The following SOX5 variants were observed in gnomAD, a reference collection of about 807,000 sequenced individuals.
SOX5 encodes the protein SRY-box transcription factor 5, also known as transcription factor SOX-5.
In SOX5, 9 loss-of-function variants were observed where a neutral mutation model predicts 92.0. The observed-to-expected ratio is 0.10, with a 90% CI of 0.06 to 0.17. The LOEUF (loss-of-function observed/expected upper bound fraction) is 0.17. Ranked by LOEUF, SOX5 falls within the 10% of genes least tolerant of loss-of-function variation. The pLI, the probability that SOX5 is intolerant of heterozygous loss-of-function variation, is 1.00. For missense variants in SOX5, 642 were observed against 944.5 expected (o/e 0.68, Z 4.20); for synonymous variants, 344 against 336.3 (o/e 1.02, Z -0.25).
intron 2 of SOX5, among the ~76,000 whole-genome samples, chr12:24,344,234 G>A (rs1020021575): frequency 7.1e-6 from 1 of 140,106 alleles, no homozygotes; most frequent in African/African-American, 2.7e-5. Context: ...AGTGAGCCGA[G>A]ATCGTGCCAC....
chr12:23,783,749 CAG>C (rs2095326675), intron 3 of SOX5, among the ~76,000 whole-genome samples: 1 of 152,054 alleles, frequency 6.6e-6, no homozygotes, highest in Non-Finnish European at 1.5e-5. Flanking sequence ...AGGAAAAAAA[CAG>C]ATATTTTGAT....
At chr12:24,333,038 A>G (rs1175161995) in intron 2 of SOX5, among the ~76,000 whole-genome samples, 2 of 152,238 alleles carry the variant, frequency 1.3e-5, no homozygotes, top group East Asian at 3.8e-4. Flanking sequence ...GGAAACAAAA[A>G]CATCAAAACG....
At chr12:23,989,438 A>C (rs1353195347) in intron 4 of SOX5, among the ~76,000 whole-genome samples, 4 of 152,042 alleles carry the variant, frequency 2.6e-5, no homozygotes, top group Admixed American at 2.6e-4. Context: ...TTTTAGTATG[A>C]TTGACTGTAG....
intron 7 of SOX5, among the ~76,000 whole-genome samples, chr12:23,644,978 ATTAT>A (rs1403830115): frequency 6.6e-6 from 1 of 152,206 alleles, no homozygotes; most frequent in Non-Finnish European, 1.5e-5. Flanking sequence ...TTCATTTTTT[ATTAT>A]TTATTTTCCC....
chr12:24,031,820 G>T (rs530764929), intron 4 of SOX5, among the ~76,000 whole-genome samples: 1 of 151,742 alleles, frequency 6.6e-6, no homozygotes, highest in Non-Finnish European at 1.5e-5. Context: ...GCGGAGAATG[G>T]CAAGAACTAA....
intron 9 of SOX5, among the ~76,000 whole-genome samples, chr12:23,577,401 T>A (rs765386080): frequency 1.3e-5 from 2 of 151,762 alleles, no homozygotes; most frequent in African/African-American, 4.8e-5. Context: ...GGTTTCACCA[T>A]GTTGGCCAGC....
rs16926785 is a variant in SOX5 at position 23,852,711 on chromosome 12, T to C, written c.271-6518A>G. ...TAAACAGCAATAAAGAATGATAGCA[T>C]AGTGACAGGTGATTTTTATAAACAT... On this transcript the variant is annotated intron_variant, in intron 2 of 14. Coordinates refer to ENST00000451604, the MANE Select transcript of SOX5 (RefSeq NM_006940.6). 5.7e-3 allele frequency among the ~76,000 whole-genome samples: 873 copies of C among 152,288 alleles called. 21 individuals carry two copies. The highest frequency in any genetic ancestry group is 0.037 in the East Asian group (191 of 5,190).
At position 23,529,535 on chromosome 12, in the gene SOX5, C is replaced by T. The variant is rs1416374601; in HGVS notation, c.*4684G>A. 2.0e-5 allele frequency: 3 copies of T among 151,840 alleles called. No individual in the cohort carries two copies. Among genetic ancestry groups the T allele is most frequent in the Non-Finnish European group, 4.4e-5 (3 of 67,980 alleles). The allele number at this position is 151,840 out of a possible 1,614,324, so 9.4% of individuals were successfully genotyped here. ...ACACATTTGCTGTTTTTATTGGTGC[C>T]TTGCATGGCAGTAATACTGAAAAAG... On this transcript the variant is annotated 3_prime_UTR_variant, in exon 15 of 15. Transcript: ENST00000451604.
intron 6 of SOX5, among the ~76,000 whole-genome samples, chr12:23,714,287 G>A (rs766373546): frequency 7.9e-5 from 12 of 152,032 alleles, no homozygotes; most frequent in Non-Finnish European, 1.6e-4. Context: ...ACTAATTTTA[G>A]AACTACAGTT....
At chr12:23,723,599 C>CAT (rs2092950339) in intron 6 of SOX5, among the ~76,000 whole-genome samples, 1 of 149,822 alleles carries the variant, frequency 6.7e-6, no homozygotes, top group African/African-American at 2.4e-5. Context: ...CACACACACA[C>CAT]GCACTCACAC....
intron 1 of SOX5, among the ~76,000 whole-genome samples, chr12:24,538,236 C>T (rs571945342): frequency 6.6e-6 from 1 of 152,226 alleles, no homozygotes; most frequent in East Asian, 1.9e-4. Context: ...TGCAGTTCCT[C>T]ATGCTAATCC....
At chr12:24,164,875 G>T (rs762866510) in intron 4 of SOX5, among the ~76,000 whole-genome samples, 1 of 151,898 alleles carries the variant, frequency 6.6e-6, no homozygotes, top group Non-Finnish European at 1.5e-5. Context: ...CTGTTATATT[G>T]AATGGAACTA....
intron 3 of SOX5, among the ~76,000 whole-genome samples, chr12:24,223,629 C>T (rs1426531954): frequency 6.6e-6 from 1 of 152,124 alleles, no homozygotes; most frequent in Admixed American, 6.6e-5. Context: ...TTGGCATGTG[C>T]CTGTAGTCCC....
intron 3 of SOX5, among the ~76,000 whole-genome samples, chr12:24,228,579 A>T (rs577212268): frequency 4.1e-4 from 62 of 152,196 alleles, no homozygotes; most frequent in Non-Finnish European, 8.8e-5. Context: ...CCAAATGCCA[A>T]CTCAACCCTG....
chr12:23,950,491 G>T (rs539148195), upstream of SOX5, among the ~76,000 whole-genome samples: 3 of 152,278 alleles, frequency 2.0e-5, no homozygotes, highest in South Asian at 2.1e-4. Flanking sequence ...CATAAAACAC[G>T]ATGTGCGATG....
rs530679053 is a variant in SOX5, at chr12:24,131,885, T to C, written c.-2+81458A>G. 2.0e-4 allele frequency among the ~76,000 whole-genome samples: 31 copies of C among 152,262 alleles called. No individual in the cohort carries two copies. The South Asian group carries it at 5.4e-3, about 26-fold the overall frequency. On this transcript the variant is annotated intron_variant, in intron 4 of 4. Transcript: ENST00000446891. The stretch of plus-strand genomic sequence containing the variant: ...TGGTTGGGTACAAATCCATGACCTA[T>C]ACATTTTGTCTACACGGACTAGATT...
At chr12:23,980,659 G>T (rs916463130) in intron 4 of SOX5, among the ~76,000 whole-genome samples, 1 of 152,120 alleles carries the variant, frequency 6.6e-6, no homozygotes. Context: ...CAGAAAGAGA[G>T]GGGACTCCCT....
chr12:24,283,766 G>GT (rs1247343307), intron 2 of SOX5, among the ~76,000 whole-genome samples: 1 of 152,092 alleles, frequency 6.6e-6, no homozygotes, highest in Non-Finnish European at 1.5e-5. Context: ...GCTTGGGTAT[G>GT]TTTTTTCTTA....
chr12:24,166,262 T>C (rs1295085522), intron 4 of SOX5, among the ~76,000 whole-genome samples: 1 of 152,050 alleles, frequency 6.6e-6, no homozygotes, highest in African/African-American at 2.4e-5. Context: ...GAGAGAGTAG[T>C]GTGGAATCAT....
Sources: allele counts gnomAD v4.1 joint callset (sites outside exome capture counted in the v4.1 genomes callset), GRCh38; gene constraint gnomAD v4.1.1; transcripts MANE v1.5; gene names NCBI Gene and HGNC (gene_info 2026-07-23, HGNC 2026-07-21).